Variants in BMPR1B observed in about 807,000 individuals in gnomAD.
BMPR1B encodes the protein bone morphogenetic protein receptor type-1B.
Under a neutral mutation model 59.1 loss-of-function variants are expected in BMPR1B, and 12 were observed. The ratio of observed to expected loss-of-function variants is 0.20; its 90% CI spans 0.13 to 0.33. The LOEUF (loss-of-function observed/expected upper bound fraction) is 0.33, where lower values mean the gene tolerates loss of function less well. BMPR1B is among the 10% of genes least tolerant of loss of function. BMPR1B has a pLI of 1.00. For missense variants in BMPR1B, 550 were observed against 610.9 expected, an observed-to-expected ratio of 0.90 and a Z score of 1.05; for synonymous variants, 237 against 207.3, an observed-to-expected ratio of 1.14 and a Z score of -1.23.
chr4:95,111,143 G>A (rs919778912), intron 4 of BMPR1B, among the ~76,000 whole-genome samples: 1 of 152,090 alleles, frequency 6.6e-6, no homozygotes. Context: ...CCAGCCAGGT[G>A]CAACTGAGCA....
At chr4:95,146,188 A>G (rs1036824597) in intron 10 of BMPR1B, among the ~76,000 whole-genome samples, 10 of 152,290 alleles carry the variant, frequency 6.6e-5, no homozygotes, top group Admixed American at 6.5e-4. Flanking sequence ...TACTAGGGCA[A>G]ACGTCTAGGG....
Position 95,130,014 on chromosome 4 carries a change from A to C in BMPR1B, c.738A>C (p.Glu246Asp). Reference sequence around the variant, plus strand: ...AAGCCAGCTGGTTCAGAGAGACAGAAATATATCAGACAGTGTTGATGAGGC... The same window carrying C: ...AAGCCAGCTGGTTCAGAGAGACAGACATATATCAGACAGTGTTGATGAGGC... ...TEEASWFRETEIYQTVLMRHE... is the reference protein window; with the variant it reads ...TEEASWFRETDIYQTVLMRHE... The change falls in exon 9 of 13, where the codon GAA becomes GAC. Residue 246 changes from glutamate to aspartate, a missense_variant. Glu to Asp is a conservative substitution (Grantham distance 45). Around this residue, in one of 6 missense-constraint regions of BMPR1B, gnomAD observed 318 missense variants for 284.6 expected, o/e 1.12. Coordinates refer to ENST00000515059, the MANE Select transcript of BMPR1B (RefSeq NM_001203.3). 1 of 1,613,938 alleles carries C rather than the reference A, an allele frequency of 6.2e-7. No individual in the cohort carries two copies. The highest frequency in any genetic ancestry group is 8.5e-7 in the Non-Finnish European group (1 of 1,179,868).
chr4:94,881,676 G>T (rs1726978358), intron 2 of BMPR1B, among the ~76,000 whole-genome samples: 1 of 152,046 alleles, frequency 6.6e-6, no homozygotes, highest in African/African-American at 2.4e-5. Flanking sequence ...ACATTGGCCA[G>T]GCTGGTCTCG....
chr4:94,894,313 A>G (rs910705289), intron 2 of BMPR1B, among the ~76,000 whole-genome samples: 1 of 152,070 alleles, frequency 6.6e-6, no homozygotes, highest in African/African-American at 2.4e-5. Flanking sequence ...TTTCACATAG[A>G]TCAACTGTTC....
At chr4:95,068,768 C>G (rs1728044643) in intron 3 of BMPR1B, among the ~76,000 whole-genome samples, 1 of 152,178 alleles carries the variant, frequency 6.6e-6, no homozygotes, top group African/African-American at 2.4e-5. Context: ...TCACAAACTT[C>G]AACTTCCTGG....
intron 3 of BMPR1B, among the ~76,000 whole-genome samples, chr4:95,058,654 G>T (rs1016591500): frequency 2.0e-5 from 3 of 152,086 alleles, no homozygotes; most frequent in African/African-American, 4.8e-5. Flanking sequence ...CCAAGCCAAG[G>T]TTTGTTTTGG....
chr4:94,817,244 G>T (rs934708942), intron 1 of BMPR1B, among the ~76,000 whole-genome samples: 4 of 152,198 alleles, frequency 2.6e-5, no homozygotes, highest in Non-Finnish European at 5.9e-5. Context: ...TTTTGTTATA[G>T]CAGCATAAAT....
chr4:94,885,797 C>T (rs983597865), intron 2 of BMPR1B, among the ~76,000 whole-genome samples: 1 of 152,052 alleles, frequency 6.6e-6, no homozygotes, highest in Non-Finnish European at 1.5e-5. Context: ...TAAGCTAAAT[C>T]TTCAGAAGAA....
intron 2 of BMPR1B, among the ~76,000 whole-genome samples, chr4:94,980,470 A>G (rs1334578183): frequency 6.6e-6 from 1 of 152,142 alleles, no homozygotes. Context: ...TTCCCAGCCA[A>G]GGCCCCTCTT....
intron 2 of BMPR1B, among the ~76,000 whole-genome samples, chr4:94,967,814 T>C (rs1008728902): frequency 6.6e-6 from 1 of 152,138 alleles, no homozygotes; most frequent in Non-Finnish European, 1.5e-5. Flanking sequence ...ACAAGTGTTT[T>C]TGGCCACGTG....
At position 95,133,335 on chromosome 4, in the gene BMPR1B, A is replaced by G. The variant is rs542086030; in HGVS notation, c.1076+1823A>G. Among the ~76,000 whole-genome samples the G allele has an allele frequency of 1.1e-4, 16 of 152,256 alleles. No homozygotes were observed. The East Asian group carries it at 2.9e-3, about 28-fold the overall frequency. ...TCATAGTTTCCTGTGGCTTCGTATT[A>G]AAATGTAGTTAGAGTCCCTTGGTGC... On this transcript the variant is annotated intron_variant, in intron 10 of 12. Coordinates refer to ENST00000515059, the MANE Select transcript of BMPR1B (RefSeq NM_001203.3).
At chr4:95,034,461 C>A (rs929855948) in intron 3 of BMPR1B, among the ~76,000 whole-genome samples, 3 of 151,902 alleles carry the variant, frequency 2.0e-5, no homozygotes, top group Admixed American at 6.6e-5. Context: ...TCCCCAAAGT[C>A]CATTATATCA....
At chr4:94,760,698 T>C (rs1470041194) in intron 1 of BMPR1B, among the ~76,000 whole-genome samples, 2 of 152,226 alleles carry the variant, frequency 1.3e-5, no homozygotes, top group African/African-American at 2.4e-5. Context: ...GCTTGGCGCT[T>C]CCTTGTTGGA....
chr4:95,044,566 T>C (rs1560614245), intron 3 of BMPR1B, among the ~76,000 whole-genome samples: 2 of 152,202 alleles, frequency 1.3e-5, no homozygotes, highest in South Asian at 2.1e-4. Flanking sequence ...TGGGATATTT[T>C]TTCTCTCTTT....
intron 2 of BMPR1B, among the ~76,000 whole-genome samples, chr4:94,909,465 AC>A (rs1028614493): frequency 2.2e-4 from 33 of 152,130 alleles, no homozygotes; most frequent in Admixed American, 1.6e-3. Context: ...TTCCTCATGT[AC>A]AAAATTGAGA....
At chr4:94,792,593 C>T (rs2110604958) in intron 1 of BMPR1B, among the ~76,000 whole-genome samples, 1 of 152,276 alleles carries the variant, frequency 6.6e-6, no homozygotes, top group South Asian at 2.1e-4. Flanking sequence ...AGTCAAGAGA[C>T]TACTTTGAGT....
rs186125139 is a variant in BMPR1B, at chr4:94,921,219, C to T, written c.-113+45319C>T. ...ATATTTTTGAGGTACAATATGACCT[C>T]AGAGTGCACTGTTAGCTTGGCTAAT... On this transcript the variant is annotated intron_variant, in intron 2 of 12. Coordinates refer to ENST00000515059, the MANE Select transcript of BMPR1B (RefSeq NM_001203.3). Among the ~76,000 whole-genome samples, 16 of 152,152 alleles carry T rather than the reference C, an allele frequency of 1.1e-4. No individual in the cohort carries two copies. In the East Asian group the frequency reaches 2.7e-3, roughly 26 times the overall value.
At chr4:95,037,388 G>C (rs1725336971) in intron 3 of BMPR1B, among the ~76,000 whole-genome samples, 1 of 152,132 alleles carries the variant, frequency 6.6e-6, no homozygotes. Flanking sequence ...CCGAAGCCCT[G>C]ATATTACTAG....
At chr4:94,894,167 CT>C in intron 2 of BMPR1B, among the ~76,000 whole-genome samples, 1 of 151,994 alleles carries the variant, frequency 6.6e-6, no homozygotes, top group East Asian at 1.9e-4. Context: ...CTTTTCCATG[CT>C]TTTTTCCAAC....
Sources: gnomAD v4.1 joint callset for allele counts (sites outside exome capture counted in the v4.1 genomes callset) on GRCh38, gnomAD v4.1.1 for gene constraint, gnomAD v4.1.1 regional missense constraint, MANE v1.5 for transcripts, NCBI Gene and HGNC (gene_info 2026-07-23, HGNC 2026-07-21) for gene names.